The following CTNNA3 variants were observed in gnomAD, a reference collection of about 807,000 sequenced individuals.
CTNNA3 encodes the protein catenin alpha-3.
CTNNA3 carries 76 observed loss-of-function variants against 95.7 expected under a neutral mutation model. The observed-to-expected ratio is 0.79, with a 90% CI of 0.66 to 0.96. The LOEUF is 0.96. CTNNA3 is among the 40% of genes least tolerant of loss of function. The pLI, the probability that CTNNA3 is intolerant of heterozygous loss-of-function variation, is 0.00. For synonymous variants in CTNNA3, 431 were observed against 374.4 expected (o/e 1.15, Z -1.74); for missense variants, 1,191 against 1,089.8 (o/e 1.09, Z -1.31).
intron 13 of CTNNA3, among the ~76,000 whole-genome samples, chr10:66,269,403 T>G (rs766297796): frequency 2.2e-4 from 34 of 152,308 alleles, no homozygotes; most frequent in Non-Finnish European, 3.7e-4. Flanking sequence ...CCATTAATTT[T>G]AGAGACAAAA....
At chr10:67,755,819 A>AAAAAAAAG (rs1554881122) in intron 1 of CTNNA3, among the ~76,000 whole-genome samples, 74 of 145,126 alleles carry the variant, frequency 5.1e-4, no homozygotes, top group Non-Finnish European at 8.3e-4. Flanking sequence ...AAAAAAAAAA[A>AAAAAAAAG]AAAGAAAGAA....
At position 66,582,839 on chromosome 10, in the gene CTNNA3, T is replaced by TA. The variant is rs577722455; in HGVS notation, c.1374+38852dup. On this transcript the variant is annotated intron_variant, in intron 10 of 17. Transcript: ENST00000433211. ...CTATGTCTAGTTTGTTGAGGGTTTT[T>TA]ATCATAAAGTCATGCTGGATTTTAT... is the stretch of plus-strand genomic sequence containing the variant. 1.4e-3 allele frequency among the ~76,000 whole-genome samples: 213 copies of TA among 151,932 alleles called. 2 individuals are homozygous for TA. The highest frequency in any genetic ancestry group is 4.5e-3 in the Admixed American group (69 of 15,242).
At chr10:67,684,945 T>C (rs1840701728) in intron 1 of CTNNA3, among the ~76,000 whole-genome samples, 1 of 152,182 alleles carries the variant, frequency 6.6e-6, no homozygotes, top group Non-Finnish European at 1.5e-5. Context: ...GGGCGGCATC[T>C]TGTACTATCC....
chr10:65,997,979 C>T (rs2078697519), intron 15 of CTNNA3, among the ~76,000 whole-genome samples: 1 of 152,130 alleles, frequency 6.6e-6, no homozygotes, highest in South Asian at 2.1e-4. Context: ...CATGCCATTG[C>T]ACTCCTGCCT....
rs553508883 is a variant in CTNNA3 at position 66,903,547 on chromosome 10, G to A, written c.1048-128023C>T. On this transcript the variant is annotated intron_variant, in intron 7 of 17. Transcript: ENST00000433211. Reference sequence around the variant, plus strand: ...GGCCAGGACAATTAGGCAAGAGAACGAAATAAAGGGTATTCAGTTAGGAAA... The same window carrying A: ...GGCCAGGACAATTAGGCAAGAGAACAAAATAAAGGGTATTCAGTTAGGAAA... 5.3e-5 allele frequency among the ~76,000 whole-genome samples: 8 copies of A among 152,240 alleles called. No individual in the cohort carries two copies. In the South Asian group the frequency reaches 8.3e-4, roughly 16 times the overall value.
intron 5 of CTNNA3, among the ~76,000 whole-genome samples, chr10:67,231,616 A>G (rs1409830442): frequency 2.0e-5 from 3 of 152,174 alleles, no homozygotes; most frequent in Non-Finnish European, 4.4e-5. Flanking sequence ...AAAGCAGAGC[A>G]CCTCTCCTCC....
intron 5 of CTNNA3, among the ~76,000 whole-genome samples, chr10:67,284,322 A>C (rs1839511162): frequency 6.6e-6 from 1 of 152,148 alleles, no homozygotes; most frequent in African/African-American, 2.4e-5. Context: ...TATGCTTTTG[A>C]ATTACATTTA....
At chr10:67,394,482 T>C (rs1490378210) in intron 5 of CTNNA3, among the ~76,000 whole-genome samples, 2 of 152,108 alleles carry the variant, frequency 1.3e-5, no homozygotes, top group Admixed American at 1.3e-4. Flanking sequence ...CACTACACAG[T>C]ACCTGCCACA....
chr10:66,910,561 AG>A (rs1589411906), intron 7 of CTNNA3, among the ~76,000 whole-genome samples: 1 of 152,244 alleles, frequency 6.6e-6, no homozygotes, highest in African/African-American at 2.4e-5. Context: ...AACTATCAAA[AG>A]AATGAACTGA....
chr10:67,139,299 A>ATTT (rs60290459), intron 7 of CTNNA3, among the ~76,000 whole-genome samples: 19 of 117,900 alleles, frequency 1.6e-4, no homozygotes, highest in African/African-American at 5.0e-4. Context: ...CGCCCGGCTA[A>ATTT]TTTTTTTTTT....
intron 1 of CTNNA3, among the ~76,000 whole-genome samples, chr10:67,759,419 G>C (rs984766367): frequency 6.6e-5 from 10 of 152,160 alleles, no homozygotes; most frequent in African/African-American, 1.9e-4. Flanking sequence ...AGCACACAAG[G>C]CAGCTAAGTT....
intron 13 of CTNNA3, among the ~76,000 whole-genome samples, chr10:66,141,269 A>G (rs2083604292): frequency 6.6e-6 from 1 of 151,928 alleles, no homozygotes; most frequent in Non-Finnish European, 1.5e-5. Flanking sequence ...TCAGATTAAA[A>G]AAAAAAAAAG....
chr10:67,373,889 C>T (rs1161152595), intron 5 of CTNNA3, among the ~76,000 whole-genome samples: 1 of 152,144 alleles, frequency 6.6e-6, no homozygotes, highest in East Asian at 1.9e-4. Context: ...TTTTTCTGAT[C>T]TGTTTATATA....
intron 5 of CTNNA3, among the ~76,000 whole-genome samples, chr10:67,501,421 G>C (rs1839229056): frequency 6.6e-6 from 1 of 152,180 alleles, no homozygotes. Flanking sequence ...CAACCACGAT[G>C]AATCTGATGA....
chr10:66,341,526 C>T (rs559631032), intron 12 of CTNNA3, among the ~76,000 whole-genome samples: 2 of 151,960 alleles, frequency 1.3e-5, no homozygotes, highest in South Asian at 4.1e-4. Context: ...GGCTGTATAT[C>T]TTAAATGTGA....
At position 66,214,303 on chromosome 10, in the gene CTNNA3, A is replaced by T. The variant is rs1009039150; in HGVS notation, c.1884+66167T>A. Among the ~76,000 whole-genome samples, 44 of 152,216 alleles carry T rather than the reference A, an allele frequency of 2.9e-4. 1 individual carries two copies. Among genetic ancestry groups the T allele is most frequent in the Admixed American group, 2.2e-3 (33 of 15,278 alleles). Reference sequence around the variant, plus strand: ...TCATACAAAATATTTGTGTAACTGCAAGCAGAGGGTTACATCTCCACCTAG... The same window carrying T: ...TCATACAAAATATTTGTGTAACTGCTAGCAGAGGGTTACATCTCCACCTAG... On this transcript the variant is annotated intron_variant, in intron 13 of 17. Coordinates refer to ENST00000433211, the MANE Select transcript of CTNNA3 (RefSeq NM_013266.4).
intron 10 of CTNNA3, among the ~76,000 whole-genome samples, chr10:66,594,954 G>C (rs962125329): frequency 6.6e-6 from 1 of 152,008 alleles, no homozygotes; most frequent in South Asian, 2.1e-4. Flanking sequence ...ACTGCATCTG[G>C]CACATATAAG....
In CTNNA3 at chr10:66,391,596, T is replaced by A. The variant is rs1255309142; in HGVS notation, c.1532-12244A>T. ...AGAGTTAATGCTCTTTAAAAAAAAATTTGATGACCATGTAAATGATTCTTG... is the reference window on the plus strand; with the variant it reads ...AGAGTTAATGCTCTTTAAAAAAAAAATTGATGACCATGTAAATGATTCTTG... On this transcript the variant is annotated intron_variant, in intron 11 of 17. Coordinates refer to ENST00000433211, the MANE Select transcript of CTNNA3 (RefSeq NM_013266.4). Among the ~76,000 whole-genome samples the A allele has an allele frequency of 2.0e-5, 3 of 152,120 alleles. No homozygotes were observed. In the South Asian group the frequency reaches 6.2e-4, roughly 32 times the overall value.
chr10:66,957,628 A>T (rs893332708), intron 7 of CTNNA3, among the ~76,000 whole-genome samples: 16 of 151,914 alleles, frequency 1.1e-4, no homozygotes, highest in Non-Finnish European at 1.9e-4. Context: ...TGATACACTC[A>T]AAAGGAGTGA....
Sources: gnomAD v4.1 joint callset for allele counts (sites outside exome capture counted in the v4.1 genomes callset) on GRCh38, gnomAD v4.1.1 for gene constraint, MANE v1.5 for transcripts, NCBI Gene and HGNC (gene_info 2026-07-23, HGNC 2026-07-21) for gene names.